Variants in RSU1 observed in about 807,000 individuals in gnomAD.
RSU1 encodes rsu-1.
A neutral mutation model predicts 31.1 loss-of-function variants in RSU1; 26 were observed. That is an observed-to-expected ratio of 0.84 (90% CI 0.61 to 1.16). The LOEUF (loss-of-function observed/expected upper bound fraction) is 1.16. RSU1 is among the 50% of genes most tolerant of loss of function. The pLI, the probability that RSU1 is intolerant of heterozygous loss-of-function variation, is 0.00. For missense variants in RSU1, 320 were observed against 339.1 expected (o/e 0.94, Z 0.44); for synonymous variants, 164 against 136.3 (o/e 1.20, Z -1.41).
intron 7 of RSU1, among the ~76,000 whole-genome samples, chr10:16,725,111 T>G (rs569343190): frequency 3.3e-5 from 5 of 152,256 alleles, no homozygotes; most frequent in African/African-American, 9.6e-5. Context: ...AGTTTTGGCA[T>G]GTTGATCATT....
intron 8 of RSU1, among the ~76,000 whole-genome samples, chr10:16,630,248 C>T (rs1834226330): frequency 6.6e-6 from 1 of 152,052 alleles, no homozygotes; most frequent in Non-Finnish European, 1.5e-5. Flanking sequence ...AGAATGCATG[C>T]TTGGAATATT....
chr10:16,680,213 T>C (rs1266884997), intron 8 of RSU1, among the ~76,000 whole-genome samples: 2 of 151,992 alleles, frequency 1.3e-5, no homozygotes, highest in Non-Finnish European at 2.9e-5. Flanking sequence ...TCTGGTCTCT[T>C]ATTACACCTT....
rs1201244921 is a variant in RSU1, at chr10:16,595,810, A to AAAAAAAAAAAAAAAG, written c.732-2315_732-2314insCTTTTTTTTTTTTTT. Among the ~76,000 whole-genome samples, 1,379 of 151,736 alleles carry AAAAAAAAAAAAAAAG rather than the reference A, an allele frequency of 9.1e-3. 27 individuals are homozygous for AAAAAAAAAAAAAAAG. The highest frequency in any genetic ancestry group is 0.032 in the African/African-American group (1,333 of 41,100). ...GGTGAAACCCCATCTCTACTAAAAAAAAGAAAAAATTAGCTGCGCATAGTG... is the reference window on the plus strand; with the variant it reads ...GGTGAAACCCCATCTCTACTAAAAAAAAAAAAAAAAAAAAGAAGAAAAAATTAGCTGCGCATAGTG... On this transcript the variant is annotated intron_variant, in intron 8 of 8. Coordinates refer to ENST00000345264, the MANE Select transcript of RSU1 (RefSeq NM_012425.4).
chr10:16,772,567 A>C (rs1424509488), intron 3 of RSU1, among the ~76,000 whole-genome samples: 4 of 148,730 alleles, frequency 2.7e-5, no homozygotes, highest in African/African-American at 9.9e-5. Context: ...CATCCAGCGA[A>C]GGGTAAGAAA....
chr10:16,730,624 G>GT (rs1258899556), intron 7 of RSU1, among the ~76,000 whole-genome samples: 2 of 152,194 alleles, frequency 1.3e-5, no homozygotes, highest in African/African-American at 2.4e-5. Context: ...GATTTGGGGG[G>GT]TTTTTTGGTG....
intron 8 of RSU1, among the ~76,000 whole-genome samples, chr10:16,656,821 T>C (rs940685574): frequency 3.3e-5 from 5 of 152,224 alleles, no homozygotes; most frequent in African/African-American, 1.2e-4. Context: ...AAAATGGTTT[T>C]GAAATATGCC....
chr10:16,752,644 T>C lies in RSU1; in HGVS notation c.493A>G (p.Arg165Gly). Reference sequence around the variant, plus strand: ...GGCAGCGAGATCAGGTCGTTATCCCTAAGGCTGAGCTAAACAGAAGAAAAC... The same window carrying C: ...GGCAGCGAGATCAGGTCGTTATCCCCAAGGCTGAGCTAAACAGAAGAAAAC... ...KLTKLQILSL[R>G]DNDLISLPKE... Residue 165 changes from arginine (R) to glycine (G), a missense_variant, in exon 7 of 9, where the codon AGG (arginine) becomes GGG (glycine). By Grantham distance (125) the Arg-to-Gly change is moderately radical. Transcript: ENST00000345264. The C allele has an allele frequency of 1.9e-6, 3 of 1,612,880 alleles. No individual in the cohort carries two copies. The highest frequency in any genetic ancestry group is 1.1e-5 in the South Asian group (1 of 91,052).
chr10:16,730,020 C>T (rs757266234), intron 7 of RSU1, among the ~76,000 whole-genome samples: 11 of 152,116 alleles, frequency 7.2e-5, no homozygotes, highest in African/African-American at 2.2e-4. Flanking sequence ...AGAAGCATGG[C>T]GCCAGCATCT....
At chr10:16,746,529 G>A (rs1186103714) in intron 7 of RSU1, among the ~76,000 whole-genome samples, 5 of 152,234 alleles carry the variant, frequency 3.3e-5, no homozygotes, top group East Asian at 1.9e-4. Flanking sequence ...GAATGCTCAG[G>A]AAAGAGAATT....
At chr10:16,598,874 C>G (rs1257636550) in intron 8 of RSU1, among the ~76,000 whole-genome samples, 1 of 152,114 alleles carries the variant, frequency 6.6e-6, no homozygotes, top group African/African-American at 2.4e-5. Context: ...GTGGCCTGTC[C>G]GTGAGGATTC....
At chr10:16,593,558 G>A in intron 8 of RSU1, 62 bp from the exon 9 acceptor site, 1 of 1,274,726 alleles carries the variant, frequency 7.8e-7, no homozygotes, top group East Asian at 2.3e-5. Context: ...AGCTTTCACT[G>A]GAAGAGCTTT....
intron 2 of RSU1, among the ~76,000 whole-genome samples, chr10:16,786,218 C>G (rs1244324689): frequency 6.6e-6 from 1 of 152,166 alleles, no homozygotes; most frequent in East Asian, 1.9e-4. Flanking sequence ...GCTGGGAGAT[C>G]ATGGTTTATT....
At chr10:16,777,058 G>A (rs1266185829) in intron 3 of RSU1, among the ~76,000 whole-genome samples, 3 of 151,926 alleles carry the variant, frequency 2.0e-5, no homozygotes, top group Non-Finnish European at 2.9e-5. Context: ...ACTTAAAAAC[G>A]TAATGCCCAG....
intron 7 of RSU1, among the ~76,000 whole-genome samples, chr10:16,702,213 C>T (rs992653639): frequency 6.6e-6 from 1 of 152,240 alleles, no homozygotes; most frequent in Admixed American, 6.5e-5. Flanking sequence ...CAGAAGCCTG[C>T]TGCAGGGGCA....
intron 8 of RSU1, among the ~76,000 whole-genome samples, chr10:16,661,730 C>T (rs190239407): frequency 1.8e-4 from 27 of 152,280 alleles, no homozygotes; most frequent in East Asian, 1.3e-3. Context: ...GAAAGAGTTT[C>T]GTCCTCCAAC....
chr10:16,797,305 G>A (rs1272849452), intron 2 of RSU1, among the ~76,000 whole-genome samples: 1 of 152,170 alleles, frequency 6.6e-6, no homozygotes, highest in Non-Finnish European at 1.5e-5. Flanking sequence ...AGAGACCAAG[G>A]ATAGAGAAGA....
chr10:16,741,416 T>C (rs947088774), intron 7 of RSU1, among the ~76,000 whole-genome samples: 2 of 152,272 alleles, frequency 1.3e-5, no homozygotes, highest in Non-Finnish European at 1.5e-5. Flanking sequence ...GCATTTCATT[T>C]TGAGGTAACA....
At chr10:16,702,795 A>C (rs1188240986) in intron 7 of RSU1, among the ~76,000 whole-genome samples, 2 of 152,192 alleles carry the variant, frequency 1.3e-5, no homozygotes, top group Non-Finnish European at 1.5e-5. Flanking sequence ...TTTGGGGGAC[A>C]GTTGGGAAGG....
At chr10:16,706,136 A>G (rs11254163) in intron 7 of RSU1, among the ~76,000 whole-genome samples, 29,890 of 152,096 alleles carry the variant, frequency 0.2, 3,921 homozygotes, top group East Asian at 0.37. Flanking sequence ...ACCATTTTCA[A>G]TTATTTCGGG....
Sources: gnomAD v4.1 joint callset for allele counts (sites outside exome capture counted in the v4.1 genomes callset) on GRCh38, gnomAD v4.1.1 for gene constraint, MANE v1.5 for transcripts, NCBI Gene and HGNC (gene_info 2026-07-23, HGNC 2026-07-21) for gene names.